The following CEP70 variants were observed in gnomAD, a reference collection of about 807,000 sequenced individuals.
CEP70 encodes centrosomal protein of 70 kDa.
In CEP70, 70 loss-of-function variants were observed where a neutral mutation model predicts 90.9. The observed-to-expected ratio is 0.77, with a 90% CI of 0.64 to 0.94. The LOEUF (loss-of-function observed/expected upper bound fraction) is 0.94. Ranked by LOEUF, CEP70 falls within the 40% of genes least tolerant of loss-of-function variation. The probability of loss-of-function intolerance (pLI) is 0.00; values close to 1 mark genes in which losing one functional copy is unlikely to be tolerated. For synonymous variants in CEP70, 220 were observed against 228.3 expected, an observed-to-expected ratio of 0.96 and a Z score of 0.33; for missense variants, 648 against 669.0, an observed-to-expected ratio of 0.97 and a Z score of 0.35.
intron 11 of CEP70, among the ~76,000 whole-genome samples, chr3:138,510,856 C>CTTTTTTTTT (rs869032871): frequency 9.3e-6 from 1 of 107,034 alleles, no homozygotes; most frequent in African/African-American, 3.2e-5. Context: ...CTTTTTCCAT[C>CTTTTTTTTT]TTTTTTTTTT....
chr3:138,506,671 T>A (rs1030887356), intron 12 of CEP70, among the ~76,000 whole-genome samples: 3 of 152,208 alleles, frequency 2.0e-5, no homozygotes, highest in Admixed American at 6.5e-5. Flanking sequence ...TTACTTCAGA[T>A]GTTTATTTAG....
intron 11 of CEP70, 111 bp downstream of exon 11, chr3:138,525,379 C>T (rs1560331360): frequency 1.3e-5 from 4 of 312,712 alleles, no homozygotes; most frequent in Non-Finnish European, 2.2e-5. Flanking sequence ...CTAACCTGCA[C>T]GTTGTGCAGA....
At chr3:138,573,090 T>C (rs1576898920) in intron 2 of CEP70, 158 bp from the exon 3 acceptor site, 2 of 600,984 alleles carry the variant, frequency 3.3e-6, no homozygotes, top group East Asian at 5.5e-5. Context: ...GTCAAAACTT[T>C]GTGACTTCTT....
chr3:138,590,668 G>C (rs981096655), intron 2 of CEP70, among the ~76,000 whole-genome samples: 2 of 150,806 alleles, frequency 1.3e-5, no homozygotes, highest in East Asian at 3.9e-4. Context: ...AAAAATAGCC[G>C]ATCCTGGTGG....
intron 6 of CEP70, among the ~76,000 whole-genome samples, chr3:138,551,764 T>C (rs1672921): frequency 0.48 from 68,949 of 143,912 alleles, 18,562 homozygotes; most frequent in African/African-American, 0.75. Context: ...AAAAATAAAA[T>C]AAAACAAAAC....
intron 11 of CEP70, among the ~76,000 whole-genome samples, chr3:138,513,551 T>C (rs1222416375): frequency 6.6e-6 from 1 of 152,232 alleles, no homozygotes; most frequent in Non-Finnish European, 1.5e-5. Flanking sequence ...TATGTCAGAC[T>C]GTTCCTCACC....
At chr3:138,554,844 T>C (rs2039879685) in intron 6 of CEP70, among the ~76,000 whole-genome samples, 1 of 152,230 alleles carries the variant, frequency 6.6e-6, no homozygotes, top group South Asian at 2.1e-4. Context: ...TGATGATTTT[T>C]TCCCACTCTG....
At chr3:138,542,762 G>A (rs2038875334) in intron 6 of CEP70, among the ~76,000 whole-genome samples, 1 of 152,166 alleles carries the variant, frequency 6.6e-6, no homozygotes. Context: ...TTTCACTCCC[G>A]CCATTCAGTG....
intron 11 of CEP70, 49 bp from the exon 12 acceptor site, chr3:138,508,593 C>T (rs2035213894): frequency 8.6e-7 from 1 of 1,161,798 alleles, no homozygotes; most frequent in Non-Finnish European, 1.3e-6. Flanking sequence ...TTCCTAGACA[C>T]TGGACCAAGA....
intron 11 of CEP70, among the ~76,000 whole-genome samples, chr3:138,513,444 T>C (rs889752660): frequency 6.6e-6 from 1 of 152,094 alleles, no homozygotes; most frequent in Non-Finnish European, 1.5e-5. Flanking sequence ...ACTCAGTACT[T>C]TTCTACTCCT....
chr3:138,587,254 C>G (rs556224498), intron 2 of CEP70, among the ~76,000 whole-genome samples: 3 of 149,448 alleles, frequency 2.0e-5, no homozygotes, highest in East Asian at 4.0e-4. Context: ...ACAGACAATG[C>G]CTTAAGAGAA....
intron 10 of CEP70, among the ~76,000 whole-genome samples, chr3:138,527,982 A>G (rs548051239): frequency 6.6e-6 from 1 of 151,242 alleles, no homozygotes; most frequent in East Asian, 1.9e-4. Flanking sequence ...CTGTACATCA[A>G]TTGTAACTCA....
intron 6 of CEP70, among the ~76,000 whole-genome samples, chr3:138,538,174 A>T (rs189581714): frequency 6.6e-6 from 1 of 152,320 alleles, no homozygotes; most frequent in Admixed American, 6.5e-5. Context: ...GTCTATAGCA[A>T]GAAAAACTGA....
intron 11 of CEP70, among the ~76,000 whole-genome samples, chr3:138,525,289 A>G (rs971117255): frequency 2.0e-5 from 3 of 152,124 alleles, no homozygotes; most frequent in Non-Finnish European, 2.9e-5. Context: ...GGGGAGGGAT[A>G]GCATTAGGAG....
At chr3:138,568,826 A>G (rs2040960435) in intron 6 of CEP70, among the ~76,000 whole-genome samples, 2 of 151,698 alleles carry the variant, frequency 1.3e-5, no homozygotes, top group South Asian at 4.2e-4. Context: ...TAAAATACAA[A>G]CAATTAGCCG....
At chr3:138,562,434 A>C (rs35932955) in intron 6 of CEP70, among the ~76,000 whole-genome samples, 54,357 of 152,010 alleles carry the variant, frequency 0.36, 11,726 homozygotes, top group East Asian at 0.56. Context: ...GAAATGAAGG[A>C]AAAAATGTTA....
chr3:138,572,808 T>C, intron 3 of CEP70, 51 bp downstream of exon 3: 2 of 1,176,618 alleles, frequency 1.7e-6, no homozygotes, highest in South Asian at 1.3e-5. Context: ...AGATGTAGCA[T>C]TCTTTGGCAC....
intron 11 of CEP70, among the ~76,000 whole-genome samples, chr3:138,523,319 C>T (rs992649529): frequency 1.3e-5 from 2 of 152,200 alleles, no homozygotes; most frequent in Non-Finnish European, 2.9e-5. Flanking sequence ...TGGCACAAGA[C>T]AGGGATGCCC....
intron 11 of CEP70, among the ~76,000 whole-genome samples, chr3:138,512,895 C>T (rs765469982): frequency 1.3e-5 from 2 of 152,166 alleles, no homozygotes; most frequent in Admixed American, 6.5e-5. Flanking sequence ...ATGCAAAACA[C>T]ATAGGTGCAT....
Sources: allele counts gnomAD v4.1 joint callset (sites outside exome capture counted in the v4.1 genomes callset), GRCh38; gene constraint gnomAD v4.1.1; transcripts MANE v1.5; gene names NCBI Gene and HGNC (gene_info 2026-07-23, HGNC 2026-07-21).